RANBP2: variants seen among roughly 807,000 people sequenced by gnomAD.
RANBP2 encodes the protein E3 SUMO-protein ligase RanBP2.
RANBP2 carries 57 observed loss-of-function variants against 303.6 expected under a neutral mutation model. The ratio of observed to expected loss-of-function variants is 0.19; its 90% CI spans 0.15 to 0.23. The LOEUF is 0.23. Ranked by LOEUF, RANBP2 falls within the 10% of genes least tolerant of loss-of-function variation. The pLI is 1.00. For synonymous variants in RANBP2, 1,167 were observed against 1,301.5 expected (o/e 0.90, Z 2.23); for missense variants, 3,138 against 3,780.8 (o/e 0.83, Z 4.46).
the RANBP2 span, among the ~76,000 whole-genome samples, chr2:109,176,194 A>T: frequency 1.3e-5 from 2 of 152,198 alleles, no homozygotes; most frequent in East Asian, 3.8e-4. Context: ...CCAGTGGGGG[A>T]AAAGCAGACT....
the RANBP2 span, among the ~76,000 whole-genome samples, chr2:109,384,817 G>A: frequency 6.6e-6 from 1 of 152,192 alleles, no homozygotes; most frequent in African/African-American, 2.4e-5. Flanking sequence ...GATGTGGGCA[G>A]AAGGCCTCAG....
At chr2:108,805,864 A>C in the RANBP2 span, among the ~76,000 whole-genome samples, 1 of 152,224 alleles carries the variant, frequency 6.6e-6, no homozygotes, top group Admixed American at 6.5e-5. Context: ...GAGTATGTTA[A>C]AGAGAGACAA....
chr2:109,565,529 C>T, the RANBP2 span, among the ~76,000 whole-genome samples: 1 of 152,184 alleles, frequency 6.6e-6, no homozygotes, highest in Non-Finnish European at 1.5e-5. Flanking sequence ...GAGTGCCCCA[C>T]TGGTGTTTCC....
the RANBP2 span, among the ~76,000 whole-genome samples, chr2:109,261,000 G>A: frequency 3.3e-5 from 5 of 152,300 alleles, no homozygotes; most frequent in East Asian, 9.7e-4. Context: ...TGGATGGAGA[G>A]CCTTTCCCTC....
chr2:108,786,792 C>G (rs370372367), downstream of RANBP2: 11 of 1,560,874 alleles, frequency 7.0e-6, no homozygotes, highest in East Asian at 2.3e-5. Flanking sequence ...GAACGCGGTT[C>G]CCGGGGAGAC....
At chr2:108,896,786 G>A in the RANBP2 span, 1 of 972,120 alleles carries the variant, frequency 1.0e-6, no homozygotes, top group Non-Finnish European at 1.5e-6. Context: ...AACATCCTAA[G>A]GCATACGGTG....
At chr2:109,682,579 G>C in the RANBP2 span, among the ~76,000 whole-genome samples, 3 of 152,054 alleles carry the variant, frequency 2.0e-5, no homozygotes, top group African/African-American at 7.2e-5. Flanking sequence ...ACATGAAGAC[G>C]GGTCAGACCT....
At chr2:109,659,366 A>G in the RANBP2 span, among the ~76,000 whole-genome samples, 31,767 of 151,788 alleles carry the variant, frequency 0.21, 3,417 homozygotes, top group African/African-American at 0.23. Context: ...CAGAGATTTC[A>G]TCCCCCCCAA....
the RANBP2 span, among the ~76,000 whole-genome samples, chr2:109,734,959 G>C: frequency 1.3e-5 from 2 of 151,932 alleles, no homozygotes; most frequent in Non-Finnish European, 2.9e-5. Flanking sequence ...CTCAAATCAG[G>C]GTAATTATCA....
At chr2:109,349,668 G>A in the RANBP2 span, among the ~76,000 whole-genome samples, 10 of 152,212 alleles carry the variant, frequency 6.6e-5, no homozygotes, top group Non-Finnish European at 8.8e-5. Context: ...CTGCAGAGCC[G>A]AGGCCCTCCT....
the RANBP2 span, among the ~76,000 whole-genome samples, chr2:108,936,069 C>T: frequency 4.6e-5 from 7 of 152,230 alleles, no homozygotes; most frequent in South Asian, 2.1e-4. Context: ...GTCACTGCCT[C>T]GGCTGGCAGA....
At chr2:109,638,793 A>G in the RANBP2 span, among the ~76,000 whole-genome samples, 1 of 152,160 alleles carries the variant, frequency 6.6e-6, no homozygotes, top group Non-Finnish European at 1.5e-5. Context: ...AAGACTGAAA[A>G]AAAGAAACAA....
the RANBP2 span, among the ~76,000 whole-genome samples, chr2:109,748,821 CAA>C: frequency 2.7e-5 from 4 of 147,388 alleles, no homozygotes; most frequent in Non-Finnish European, 4.5e-5. Context: ...TGCAGTGAGC[CAA>C]GATTGTGCCA....
the RANBP2 span, among the ~76,000 whole-genome samples, chr2:109,418,828 C>T: frequency 6.6e-6 from 1 of 152,178 alleles, no homozygotes; most frequent in South Asian, 2.1e-4. Flanking sequence ...CAAGCTGGGT[C>T]GTAGGGGGAC....
the RANBP2 span, among the ~76,000 whole-genome samples, chr2:108,978,993 G>A: frequency 4.6e-5 from 7 of 152,230 alleles, no homozygotes; most frequent in Non-Finnish European, 1.0e-4. Context: ...AGGGGGTGTA[G>A]TGTGTGAAGT....
the RANBP2 span, among the ~76,000 whole-genome samples, chr2:109,096,046 T>G: frequency 9.2e-5 from 14 of 152,132 alleles, no homozygotes; most frequent in Non-Finnish European, 1.3e-4. Context: ...TTTTTAAAAT[T>G]TTTGAGGTAC....
At chr2:109,032,081 G>C in the RANBP2 span, among the ~76,000 whole-genome samples, 1 of 151,870 alleles carries the variant, frequency 6.6e-6, no homozygotes, top group Admixed American at 6.6e-5. Context: ...CCTTTCTTCG[G>C]AGCTTTGTTT....
At chr2:109,104,626 G>A in the RANBP2 span, among the ~76,000 whole-genome samples, 1 of 152,202 alleles carries the variant, frequency 6.6e-6, no homozygotes, top group African/African-American at 2.4e-5. Context: ...TGGGACTGCA[G>A]GCGCCCGCCA....
chr2:109,201,806 G>A, the RANBP2 span, among the ~76,000 whole-genome samples: 2 of 152,222 alleles, frequency 1.3e-5, no homozygotes, highest in Non-Finnish European at 2.9e-5. Flanking sequence ...ATGCTGCTCA[G>A]CTGATCTCTT....
Sources: allele counts gnomAD v4.1 joint callset (sites outside exome capture counted in the v4.1 genomes callset), GRCh38; gene constraint gnomAD v4.1.1; transcripts MANE v1.5; gene names NCBI Gene and HGNC (gene_info 2026-07-23, HGNC 2026-07-21).